Variants in BMP7 observed in about 807,000 individuals in gnomAD.
BMP7 encodes the protein bone morphogenetic protein 7, also known as osteogenic protein 1.
Under a neutral mutation model 41.2 loss-of-function variants are expected in BMP7, and 12 were observed. That is an observed-to-expected ratio of 0.29 (90% CI 0.19 to 0.47). BMP7 has a LOEUF of 0.47. Among genes scored for constraint, BMP7 ranks in the 20% least tolerant of loss-of-function variants. BMP7 has a pLI of 0.99. For synonymous variants in BMP7, 248 were observed against 250.0 expected (o/e 0.99, Z 0.07); for missense variants, 467 against 606.0 (o/e 0.77, Z 2.41).
At chr20:57,265,042 A>AAGAAAG (rs1555819058) in intron 1 of BMP7, among the ~76,000 whole-genome samples, 1 of 120,156 alleles carries the variant, frequency 8.3e-6, no homozygotes, top group Non-Finnish European at 1.6e-5. Flanking sequence ...AAAAAAAAAA[A>AAGAAAG]AAAAGAAAAG....
intron 1 of BMP7, among the ~76,000 whole-genome samples, chr20:57,247,875 C>T (rs947869534): frequency 6.6e-6 from 1 of 152,264 alleles, no homozygotes; most frequent in East Asian, 1.9e-4. Flanking sequence ...CTGACCTCCT[C>T]GGGTCATTTT....
In BMP7 at chr20:57,169,355, C is replaced by G. The variant is rs770171278; in HGVS notation, c.*1604G>C. On this transcript the variant is annotated 3_prime_UTR_variant, in exon 7 of 7. Transcript: ENST00000395863. ...CGTTTGCAGACAGTCTAGCCCTCCCCTAGGCCTTGTGTTTGTGGCCGGAGG... is the reference window on the plus strand; with the variant it reads ...CGTTTGCAGACAGTCTAGCCCTCCCGTAGGCCTTGTGTTTGTGGCCGGAGG... The G allele has an allele frequency of 6.6e-6, 1 of 152,212 alleles. No individual in the cohort carries two copies. The highest frequency in any genetic ancestry group is 2.4e-5 in the African/African-American group (1 of 41,454). The allele number at this position is 152,212 out of a possible 1,614,324, so 9.4% of individuals were successfully genotyped here.
Position 57,171,051 on chromosome 20 carries a change from T to C in BMP7, c.1204A>G (p.Asn402Asp). The C allele has an allele frequency of 6.2e-7, 1 of 1,614,170 alleles. No homozygotes were observed. Among genetic ancestry groups the C allele is most frequent in the Non-Finnish European group, 8.5e-7 (1 of 1,180,006 alleles). The change falls in exon 7 of 7, where the codon AAT becomes GAT. Residue 402 changes from asparagine to aspartate, a missense_variant. This residue lies in a region of BMP7 where 60 missense variants were observed against 120.1 expected (regional missense o/e 0.50). Coordinates refer to ENST00000395863, the MANE Select transcript of BMP7 (RefSeq NM_001719.3). This position sits in a 1 kb window ranked among gnomAD's most constrained non-coding sequence, Gnocchi z 4.5. ...PKPCCAPTQLNAISVLYFDDS... is the reference protein window; with the variant it reads ...PKPCCAPTQLDAISVLYFDDS... ...TCGAAGTAGAGGACGGAGATGGCATTGAGCTGCGTGGGCGCACAGCAGGGC... is the reference window on the plus strand; with the variant it reads ...TCGAAGTAGAGGACGGAGATGGCATCGAGCTGCGTGGGCGCACAGCAGGGC...
Position 57,222,169 on chromosome 20 carries a change from G to A in BMP7, c.611+6060C>T, listed in dbSNP as rs566910403. On this transcript the variant is annotated intron_variant, in intron 2 of 6. Transcript: ENST00000395863. ...AGGGAAAATGTGGGCAACCTGCTGA[G>A]CCCCCGCCCGCCGCAAACACTCAGC... Among the ~76,000 whole-genome samples the A allele has an allele frequency of 2.6e-5, 4 of 152,206 alleles. No individual in the cohort carries two copies. The South Asian group carries it at 6.2e-4, about 24-fold the overall frequency.
chr20:57,256,720 TA>T (rs981147642), intron 1 of BMP7, among the ~76,000 whole-genome samples: 5 of 150,542 alleles, frequency 3.3e-5, no homozygotes, highest in East Asian at 3.9e-4. Context: ...AAATAAAAAA[TA>T]AAAAAAAATA....
At chr20:57,223,931 T>C (rs1985248948) in intron 2 of BMP7, among the ~76,000 whole-genome samples, 1 of 152,200 alleles carries the variant, frequency 6.6e-6, no homozygotes, top group Non-Finnish European at 1.5e-5. Flanking sequence ...CTTGGCCCAC[T>C]GCCCGAGGGC....
chr20:57,247,709 C>T (rs1207101485), intron 1 of BMP7, among the ~76,000 whole-genome samples: 2 of 152,162 alleles, frequency 1.3e-5, no homozygotes, highest in African/African-American at 4.8e-5. Context: ...GCTCTCCACC[C>T]TTGGCTAACA....
At chr20:57,187,341 C>T (rs1411073851) in intron 3 of BMP7, among the ~76,000 whole-genome samples, 3 of 152,180 alleles carry the variant, frequency 2.0e-5, no homozygotes, top group East Asian at 3.9e-4. Context: ...GATAGCCAAC[C>T]GGATTTTCAT....
At chr20:57,200,022 T>C (rs1984585465) in intron 3 of BMP7, among the ~76,000 whole-genome samples, 1 of 152,348 alleles carries the variant, frequency 6.6e-6, no homozygotes, top group East Asian at 1.9e-4. Context: ...GGGTCTCAGG[T>C]GGGCTCTGAA....
rs2123101983 is a variant in BMP7 at position 57,213,291 on chromosome 20, C to T, written c.612-10668G>A. On this transcript the variant is annotated intron_variant, in intron 2 of 6. Transcript: ENST00000395863. This position sits in a 1 kb window ranked among gnomAD's most constrained non-coding sequence, Gnocchi z 4.4. Reference sequence around the variant, plus strand: ...CGAGTCAGTGGCCCTTATGTTCTAGCCCTCAGTTTCTCCATCCACAAGACA... The same window carrying T: ...CGAGTCAGTGGCCCTTATGTTCTAGTCCTCAGTTTCTCCATCCACAAGACA... Among the ~76,000 whole-genome samples, 1 of 152,274 alleles carries T rather than the reference C, an allele frequency of 6.6e-6. No individual in the cohort carries two copies. The highest frequency in any genetic ancestry group is 1.9e-4 in the East Asian group (1 of 5,180).
chr20:57,217,989 G>T (rs796774916), intron 2 of BMP7, among the ~76,000 whole-genome samples: 4 of 152,292 alleles, frequency 2.6e-5, no homozygotes, highest in African/African-American at 9.6e-5. Context: ...GGGCTGAAAG[G>T]TATCTGTATA....
chr20:57,233,554 C>G (rs113603576), intron 1 of BMP7, among the ~76,000 whole-genome samples: 6 of 152,214 alleles, frequency 3.9e-5, no homozygotes, highest in Non-Finnish European at 7.3e-5. Flanking sequence ...GGGCGCCCCC[C>G]CTTCATGATC....
intron 4 of BMP7, among the ~76,000 whole-genome samples, chr20:57,178,940 G>A (rs779079412): frequency 1.1e-4 from 17 of 152,198 alleles, no homozygotes; most frequent in Non-Finnish European, 2.2e-4. Context: ...AGCACAGAAG[G>A]GACAAGGAGT....
chr20:57,202,743 C>A, intron 2 of BMP7, 120 bp from the exon 3 acceptor site: 1 of 1,232,828 alleles, frequency 8.1e-7, no homozygotes, highest in Non-Finnish European at 1.1e-6. Context: ...CACTGGTCCC[C>A]GACAAGTGGG....
intron 6 of BMP7, chr20:57,172,890 C>T: frequency 1.7e-6 from 1 of 592,618 alleles, no homozygotes; most frequent in East Asian, 2.8e-5. Context: ...GGGCCCAGTG[C>T]TCTTAGGCAC....
intron 1 of BMP7, among the ~76,000 whole-genome samples, chr20:57,238,921 G>A (rs757777368): frequency 3.9e-5 from 6 of 151,988 alleles, no homozygotes; most frequent in East Asian, 1.9e-4. Context: ...TACCTCCCCC[G>A]AGTCCCTCCC....
intron 2 of BMP7, among the ~76,000 whole-genome samples, chr20:57,221,856 G>C (rs1204813208): frequency 1.3e-5 from 2 of 150,908 alleles, no homozygotes; most frequent in Non-Finnish European, 2.9e-5. Flanking sequence ...AGGGATAAGG[G>C]TGTCTCCATG....
chr20:57,249,424 A>G (rs1452424840), intron 1 of BMP7, among the ~76,000 whole-genome samples: 1 of 152,036 alleles, frequency 6.6e-6, no homozygotes, highest in African/African-American at 2.4e-5. Flanking sequence ...CCATATGGAG[A>G]TACTGCATAA....
intron 4 of BMP7, among the ~76,000 whole-genome samples, chr20:57,181,174 G>A (rs1984071268): frequency 6.6e-6 from 1 of 152,210 alleles, no homozygotes; most frequent in South Asian, 2.1e-4. Context: ...CCGGCCCCCA[G>A]ATGGTTGTGT....
Sources: gnomAD v4.1 joint callset for allele counts (sites outside exome capture counted in the v4.1 genomes callset) on GRCh38, gnomAD v4.1.1 for gene constraint, gnomAD v4.1.1 regional missense constraint, Gnocchi (gnomAD v3.1) non-coding constraint, MANE v1.5 for transcripts, NCBI Gene and HGNC (gene_info 2026-07-23, HGNC 2026-07-21) for gene names.